The following ZIM3 variants were observed in gnomAD, a reference collection of about 807,000 sequenced individuals.
ZIM3 encodes the protein zinc finger protein 657.
In ZIM3, 11 loss-of-function variants were observed where a neutral mutation model predicts 12.9. The ratio of observed to expected loss-of-function variants is 0.85; its 90% CI spans 0.54 to 1.41. ZIM3 has a LOEUF of 1.41. ZIM3 is among the 40% of genes most tolerant of loss of function. The pLI is 0.00. For synonymous variants in ZIM3, 205 were observed against 198.5 expected, an observed-to-expected ratio of 1.03 and a Z score of -0.28; for missense variants, 604 against 557.2, an observed-to-expected ratio of 1.08 and a Z score of -0.85.
chr19:57,143,191 C>T (rs8112858), intron 1 of ZIM3, among the ~76,000 whole-genome samples: 98,374 of 151,010 alleles, frequency 0.65, 32,364 homozygotes, highest in South Asian at 0.77. Flanking sequence ...ATTAGCCAGG[C>T]GTGGTGGCGG....
chr19:57,142,548 T>C, intron 2 of ZIM3, 81 bp downstream of exon 2: 2 of 1,473,154 alleles, frequency 1.4e-6, no homozygotes, highest in Non-Finnish European at 1.9e-6. Flanking sequence ...GCCAAAAGGT[T>C]AGCACAGTTA....
At chr19:57,143,421 T>A (rs536634763) in intron 1 of ZIM3, among the ~76,000 whole-genome samples, 18 of 151,174 alleles carry the variant, frequency 1.2e-4, no homozygotes, top group Non-Finnish European at 2.2e-4. Flanking sequence ...GAGGCAAGCA[T>A]CAGATCAGCT....
At chr19:57,143,916 T>C (rs946677736) in intron 1 of ZIM3, among the ~76,000 whole-genome samples, 1 of 152,112 alleles carries the variant, frequency 6.6e-6, no homozygotes. Flanking sequence ...TCTCAAGTGA[T>C]CCGCCGGCCT....
intron 4 of ZIM3, 125 bp from the exon 5 acceptor site, chr19:57,136,220 A>C: frequency 1.2e-6 from 1 of 806,064 alleles, no homozygotes; most frequent in South Asian, 1.8e-5. Flanking sequence ...CGAGAAACCA[A>C]AGTTAATATA....
chr19:57,143,098 C>T (rs895254085), intron 1 of ZIM3, among the ~76,000 whole-genome samples: 1 of 152,048 alleles, frequency 6.6e-6, no homozygotes, highest in African/African-American at 2.4e-5. Flanking sequence ...GAGGCCGAGG[C>T]AGGCGGATCA....
intron 1 of ZIM3, among the ~76,000 whole-genome samples, chr19:57,144,218 CTT>C (rs1417284256): frequency 6.6e-6 from 1 of 151,634 alleles, no homozygotes; most frequent in Non-Finnish European, 1.5e-5. Flanking sequence ...CATCAGCTAA[CTT>C]TTTATTTTTT....
chr19:57,141,354 T>C (rs1337209178), intron 2 of ZIM3, among the ~76,000 whole-genome samples: 1 of 128,242 alleles, frequency 7.8e-6, no homozygotes, highest in African/African-American at 3.1e-5. Context: ...TGAGCCAAGA[T>C]CAAGCCATTG....
chr19:57,142,772 G>T, intron 1 of ZIM3, 87 bp from the exon 2 acceptor site: 1 of 1,046,036 alleles, frequency 9.6e-7, no homozygotes, highest in Non-Finnish European at 1.4e-6. Context: ...CCACACCCTG[G>T]ATAAAAGCTC....
At chr19:57,140,778 T>G (rs1214326444) in intron 2 of ZIM3, among the ~76,000 whole-genome samples, 1 of 152,178 alleles carries the variant, frequency 6.6e-6, no homozygotes, top group African/African-American at 2.4e-5. Flanking sequence ...AGCCTTAGTA[T>G]GCCTTTCCTG....
chr19:57,138,270 C>T lies in ZIM3; in HGVS notation c.142+202G>A, dbSNP rs554195980. Among the ~76,000 whole-genome samples, 71 of 152,294 alleles carry T rather than the reference C, an allele frequency of 4.7e-4. 1 individual carries two copies. The South Asian group carries it at 6.4e-3, about 14-fold the overall frequency. ...TTACAGAGGCCCTCACTCATTCTCC[C>T]GGCACTTGCCGACCCTGAGAATGGG... On this transcript the variant is annotated intron_variant, in intron 3 of 4. Transcript: ENST00000269834.
chr19:57,144,255 A>G (rs2086927619), intron 1 of ZIM3, among the ~76,000 whole-genome samples: 1 of 151,538 alleles, frequency 6.6e-6, no homozygotes, highest in South Asian at 2.1e-4. Flanking sequence ...TTGCTATGTC[A>G]CCTAAACTGG....
chr19:57,135,601 T>C lies in ZIM3; in HGVS notation c.736A>G (p.Thr246Ala). Residue 246 changes from threonine to alanine, a missense_variant, in exon 5 of 5, where the codon ACT becomes GCT. Physicochemically the swap from Thr to Ala is moderately conservative, Grantham distance 58. Transcript: ENST00000269834. ...SNLFQHQKMH[T>A]KEKPYQCKTC... ...TTACACTGATAGGGTTTCTCTTTAG[T>C]ATGCATTTTCTGATGTTGAAAGAGA... The C allele has an allele frequency of 6.2e-7, 1 of 1,614,066 alleles. No individual in the cohort carries two copies. The highest frequency in any genetic ancestry group is 8.5e-7 in the Non-Finnish European group (1 of 1,180,008).
At chr19:57,144,531 TC>T (rs987223959) in intron 1 of ZIM3, among the ~76,000 whole-genome samples, 9 of 152,060 alleles carry the variant, frequency 5.9e-5, no homozygotes, top group Admixed American at 1.3e-4. Flanking sequence ...GATTTAATCA[TC>T]CCCCCAATGT....
At position 57,141,204 on chromosome 19, in the gene ZIM3, G is replaced by A. The variant is rs984314395; in HGVS notation, c.15+1425C>T. Among the ~76,000 whole-genome samples the A allele has an allele frequency of 7.2e-5, 11 of 151,984 alleles. No homozygotes were observed. The South Asian group carries it at 8.3e-4, about 11-fold the overall frequency. On this transcript the variant is annotated intron_variant, in intron 2 of 4. Coordinates refer to ENST00000269834, the MANE Select transcript of ZIM3 (RefSeq NM_052882.1). ...GAGGTCAGGAGTTCGAGACCAGCCC[G>A]ACCAATATGGTAAAACCCCATCTCT... is the stretch of plus-strand genomic sequence containing the variant.
At chr19:57,142,539 C>G in intron 2 of ZIM3, 90 bp downstream of exon 2, 1 of 1,410,174 alleles carries the variant, frequency 7.1e-7, no homozygotes, top group Non-Finnish European at 9.9e-7. Flanking sequence ...GGAAAATATG[C>G]CAAAAGGTTA....
chr19:57,135,134 A>C lies in ZIM3; in HGVS notation c.1203T>G (p.Phe401Leu). ...GATGGCTATGAAGGTTTGACTTCTG[A>C]AAGAAGGCTTTTCCACATCTGTTAC... ...YECNRCGKAFFQKSNLHSHQK... is the reference protein window; with the variant it reads ...YECNRCGKAFLQKSNLHSHQK... Residue 401 changes from phenylalanine to leucine, a missense_variant, in exon 5 of 5, where the codon TTT becomes TTG. Physicochemically the swap from Phe to Leu is conservative, Grantham distance 22. Coordinates refer to ENST00000269834, the MANE Select transcript of ZIM3 (RefSeq NM_052882.1). 6.2e-7 allele frequency: 1 copy of C among 1,614,174 alleles called. No individual in the cohort carries two copies. The highest frequency in any genetic ancestry group is 8.5e-7 in the Non-Finnish European group (1 of 1,180,036).
chr19:57,137,038 G>T, intron 3 of ZIM3, 67 bp from the exon 4 acceptor site: 1 of 1,464,766 alleles, frequency 6.8e-7, no homozygotes, highest in Non-Finnish European at 9.6e-7. Context: ...AAGTGTATGA[G>T]TGTATATAAG....
chr19:57,142,142 C>CT (rs35172118), intron 2 of ZIM3, among the ~76,000 whole-genome samples: 26,167 of 112,426 alleles, frequency 0.23, 3,511 homozygotes, highest in East Asian at 0.47. Flanking sequence ...CGTAACCAAG[C>CT]TTTTTTTTTT....
chr19:57,141,117 G>A (rs2086911499), intron 2 of ZIM3, among the ~76,000 whole-genome samples: 1 of 152,156 alleles, frequency 6.6e-6, no homozygotes, highest in Admixed American at 6.5e-5. Flanking sequence ...GCTTGAGGCT[G>A]GGCGTGGTGG....
Sources: gnomAD v4.1 joint callset for allele counts (sites outside exome capture counted in the v4.1 genomes callset) on GRCh38, gnomAD v4.1.1 for gene constraint, MANE v1.5 for transcripts, NCBI Gene and HGNC (gene_info 2026-07-23, HGNC 2026-07-21) for gene names.